SATL1: variants seen among roughly 807,000 people sequenced by gnomAD.
SATL1 encodes the protein spermidine/spermine N(1)-acetyltransferase-like protein 1.
Under a neutral mutation model 51.8 loss-of-function variants are expected in SATL1, and 47 were observed. The ratio of observed to expected loss-of-function variants is 0.91; its 90% CI spans 0.72 to 1.16. The LOEUF is 1.16. Ranked by LOEUF, SATL1 falls within the 50% of genes most tolerant of loss-of-function variation. The pLI is 0.00. For synonymous variants in SATL1, 176 were observed against 182.4 expected (o/e 0.97, Z 0.28); for missense variants, 520 against 526.4 (o/e 0.99, Z 0.12).
At chrX:85,099,215 A>G (rs1768819119) in intron 4 of SATL1, among the ~76,000 whole-genome samples, 1 of 111,777 alleles carries the variant, frequency 8.9e-6, no homozygotes. Context: ...CCTACTTAAG[A>G]AACAGAAAAT....
chrX:85,177,571 T>TTC (rs1217665326), intron 2 of SATL1, among the ~76,000 whole-genome samples: 30 of 111,380 alleles, frequency 2.7e-4, no homozygotes, highest in South Asian at 7.5e-4. Flanking sequence ...AGGAAGATGT[T>TTC]TCTCTCTTTT....
chrX:85,117,513 C>A (rs1230015422), intron 2 of SATL1: 1 of 110,948 alleles, frequency 9.0e-6, no homozygotes, highest in Non-Finnish European at 1.9e-5. Flanking sequence ...ATTGTTTTTT[C>A]TCTCCCTTTT....
chrX:85,148,191 A>G (rs1926313183), intron 2 of SATL1, among the ~76,000 whole-genome samples: 1 of 111,969 alleles, frequency 8.9e-6, no homozygotes, highest in African/African-American at 3.3e-5. Context: ...AAGCCTCAGG[A>G]GCCAATGCAA....
At chrX:85,238,260 C>T (rs1271701398) in intron 1 of SATL1, among the ~76,000 whole-genome samples, 1 of 111,404 alleles carries the variant, frequency 9.0e-6, no homozygotes, top group Non-Finnish European at 1.9e-5. Context: ...ATCTGCATTC[C>T]CATGTTTGCT....
chrX:85,155,585 T>C (rs1926567809), intron 2 of SATL1, among the ~76,000 whole-genome samples: 1 of 112,322 alleles, frequency 8.9e-6, no homozygotes, highest in African/African-American at 3.2e-5. Context: ...ATTAAGCTGC[T>C]TTATTTTCTT....
chrX:85,149,163 T>G (rs1056693148), intron 2 of SATL1, among the ~76,000 whole-genome samples: 13 of 111,219 alleles, frequency 1.2e-4, no homozygotes, highest in African/African-American at 4.3e-4. Context: ...GAGGTTGCAA[T>G]CCTAGTCTCT....
At chrX:85,120,923 T>C (rs1925490675) in intron 2 of SATL1, among the ~76,000 whole-genome samples, 1 of 111,471 alleles carries the variant, frequency 9.0e-6, no homozygotes, top group Non-Finnish European at 1.9e-5. Context: ...CTGGAGTATA[T>C]AAAATCTTGG....
rs1274798340 is a variant in SATL1, at chrX:85,147,570, C to T, written c.-312-38290G>A. Among the ~76,000 whole-genome samples the T allele has an allele frequency of 4.9e-5, 5 of 101,589 alleles. No homozygotes were observed. The East Asian group carries it at 1.0e-3, about 20-fold the overall frequency. The allele number at this position is 101,589 out of a possible 115,157, so 88.2% of individuals were successfully genotyped here. A position where few individuals can be genotyped will look rare whatever the true frequency, so the allele number is the denominator to read the frequency against. ...CCGAGCAGCCTAACTAGGAGGCACC[C>T]CCCAGTAGGGGCAGACTGACACCTC... On this transcript the variant is annotated intron_variant, in intron 2 of 7. Coordinates refer to ENST00000644105, the MANE Select transcript of SATL1 (RefSeq NM_001367857.2).
intron 2 of SATL1, among the ~76,000 whole-genome samples, chrX:85,202,188 T>C (rs1927700602): frequency 8.9e-6 from 1 of 112,146 alleles, no homozygotes; most frequent in South Asian, 3.7e-4. Flanking sequence ...TTAATTTAAG[T>C]TCCCTATAGA....
chrX:85,164,764 A>T (rs1375507820), intron 2 of SATL1, among the ~76,000 whole-genome samples: 8 of 103,538 alleles, frequency 7.7e-5, no homozygotes, highest in African/African-American at 2.9e-4. Flanking sequence ...CACTCTTGTT[A>T]CACAGGCTGG....
intron 2 of SATL1, among the ~76,000 whole-genome samples, chrX:85,151,248 C>T (rs1367660912): frequency 9.1e-6 from 1 of 110,318 alleles, no homozygotes; most frequent in Non-Finnish European, 1.9e-5. Flanking sequence ...ACCTAGGAAT[C>T]CAACTTACAA....
chrX:85,140,797 A>G (rs1333148436), intron 2 of SATL1, among the ~76,000 whole-genome samples: 1 of 111,901 alleles, frequency 8.9e-6, no homozygotes, highest in Non-Finnish European at 1.9e-5. Flanking sequence ...AATTTTTTTC[A>G]AAGGCATTTT....
chrX:85,223,643 C>T (rs183716345), intron 2 of SATL1, among the ~76,000 whole-genome samples: 5 of 110,930 alleles, frequency 4.5e-5, no homozygotes, highest in African/African-American at 1.6e-4. Context: ...GGCTTGCTGA[C>T]TGGGAACAAA....
intron 2 of SATL1, among the ~76,000 whole-genome samples, chrX:85,172,837 C>T (rs1265705108): frequency 2.7e-5 from 3 of 110,745 alleles, no homozygotes; most frequent in East Asian, 5.7e-4. Flanking sequence ...GGGTTATTAG[C>T]TGGTTTGGGA....
intron 4 of SATL1, among the ~76,000 whole-genome samples, chrX:85,100,877 A>T (rs150645316): frequency 6.8e-4 from 76 of 112,167 alleles, no homozygotes; most frequent in Non-Finnish European, 1.3e-3. Context: ...AGGGAACAGA[A>T]TAGAGACCTC....
rs1569238911 is a variant in SATL1, at chrX:85,156,859, ATATATATAT to A, written c.-312-47588_-312-47580del. Among the ~76,000 whole-genome samples, 160 of 38,548 alleles carry A rather than the reference ATATATATAT, an allele frequency of 4.2e-3. 1 individual carries two copies. The highest frequency in any genetic ancestry group is 9.5e-3 in the African/African-American group (127 of 13,303). 33.5% of individuals were successfully genotyped at this position (38,548 alleles called of 115,157 possible). On this transcript the variant is annotated intron_variant, in intron 2 of 7. Transcript: ENST00000644105. ...TATATATATATATATATATATATAT[ATATATATAT>A]AAAATATGTAAATCTCTTCTCATCC...
At chrX:85,124,051 T>C (rs2147702436) in intron 2 of SATL1, among the ~76,000 whole-genome samples, 1 of 111,925 alleles carries the variant, frequency 8.9e-6, no homozygotes, top group East Asian at 2.8e-4. Flanking sequence ...TTTTAAAAAG[T>C]CAAGGACTGT....
Position 85,107,687 on chromosome X carries a change from G to C in SATL1, c.1282C>G (p.Gln428Glu). 1 of 1,212,214 alleles carries C rather than the reference G, an allele frequency of 8.2e-7. No individual in the cohort carries two copies. Among genetic ancestry groups the C allele is most frequent in the South Asian group, 1.8e-5 (1 of 57,009 alleles). ...QTGLSQPVPR[Q>E]PNKSPPGMWQ... is the part of the protein sequence containing the mutation. ...ATGCCTGGTGGACTCTTGTTTGGTTGCCTCGGGACTGGTTGGCTCAGGCCT... is the reference window on the plus strand; with the variant it reads ...ATGCCTGGTGGACTCTTGTTTGGTTCCCTCGGGACTGGTTGGCTCAGGCCT... Residue 428 changes from glutamine (Q) to glutamate (E), a missense_variant, in exon 3 of 8, where the codon CAA (glutamine) becomes GAA (glutamate). Physicochemically the swap from Gln to Glu is conservative, Grantham distance 29 (BLOSUM62 2). Transcript: ENST00000644105.
intron 2 of SATL1, among the ~76,000 whole-genome samples, chrX:85,117,791 C>A (rs1925411684): frequency 9.0e-6 from 1 of 111,277 alleles, no homozygotes; most frequent in Admixed American, 9.6e-5. Flanking sequence ...ATATCTATGA[C>A]AGGTAGACAG....
Sources: allele counts gnomAD v4.1 joint callset (sites outside exome capture counted in the v4.1 genomes callset), GRCh38; gene constraint gnomAD v4.1.1; transcripts MANE v1.5; gene names NCBI Gene and HGNC (gene_info 2026-07-23, HGNC 2026-07-21).